The following TECPR2 variants were observed in gnomAD, a reference collection of about 807,000 sequenced individuals.
TECPR2 encodes the protein tectonin beta-propeller repeat containing 2.
TECPR2 carries 65 observed loss-of-function variants against 138.1 expected under a neutral mutation model. The observed-to-expected ratio is 0.47, with a 90% CI of 0.39 to 0.58. The LOEUF (loss-of-function observed/expected upper bound fraction) is 0.58, where lower values mean the gene tolerates loss of function less well. TECPR2 is among the 20% of genes least tolerant of loss of function. TECPR2 has a pLI of 0.00. For missense variants in TECPR2, 1,553 were observed against 1,824.5 expected, an observed-to-expected ratio of 0.85 and a Z score of 2.71; for synonymous variants, 746 against 749.8, an observed-to-expected ratio of 0.99 and a Z score of 0.08.
intron 5 of TECPR2, among the ~76,000 whole-genome samples, chr14:102,421,271 G>A (rs908935297): frequency 6.6e-6 from 1 of 152,178 alleles, no homozygotes; most frequent in South Asian, 2.1e-4. Flanking sequence ...GCTCTATTTA[G>A]AGGACATCTC....
At chr14:102,490,353 C>A (rs944869302) in intron 17 of TECPR2, among the ~76,000 whole-genome samples, 4 of 152,198 alleles carry the variant, frequency 2.6e-5, no homozygotes, top group Non-Finnish European at 4.4e-5. Context: ...GGTCTCGAAG[C>A]CCCTCACAGG....
At chr14:102,385,541 G>A (rs571904751) in intron 2 of TECPR2, among the ~76,000 whole-genome samples, 1 of 150,588 alleles carries the variant, frequency 6.6e-6, no homozygotes, top group Non-Finnish European at 1.5e-5. Context: ...CAGAGTTTGA[G>A]GGAGCAGCAT....
chr14:102,468,188 AGTTT>A (rs1030908967), intron 17 of TECPR2, among the ~76,000 whole-genome samples: 5 of 141,352 alleles, frequency 3.5e-5, no homozygotes, highest in African/African-American at 5.3e-5. Flanking sequence ...TCTTTTACTG[AGTTT>A]GTTTGTTTGT....
chr14:102,493,474 C>T (rs538729801), intron 17 of TECPR2, among the ~76,000 whole-genome samples: 18 of 152,316 alleles, frequency 1.2e-4, no homozygotes, highest in South Asian at 4.1e-4. Flanking sequence ...CCTAGAACAG[C>T]GCTTCCCCAA....
intron 2 of TECPR2, among the ~76,000 whole-genome samples, chr14:102,383,892 T>C (rs1236815073): frequency 6.6e-6 from 1 of 152,116 alleles, no homozygotes; most frequent in Non-Finnish European, 1.5e-5. Context: ...TCGTTTTCCT[T>C]TAACAGAATA....
chr14:102,438,330 C>A (rs543440834), intron 10 of TECPR2, 125 bp downstream of exon 10: 6 of 1,262,834 alleles, frequency 4.8e-6, no homozygotes, highest in African/African-American at 1.5e-5. Flanking sequence ...CGCTGCCGTG[C>A]GTTCACCAGG....
At chr14:102,398,274 G>A (rs1888373895) in intron 2 of TECPR2, among the ~76,000 whole-genome samples, 3 of 152,034 alleles carry the variant, frequency 2.0e-5, no homozygotes, top group Admixed American at 2.0e-4. Context: ...AAGAATCAGT[G>A]AATTTGAAGA....
At chr14:102,487,442 G>A (rs188298450) in intron 17 of TECPR2, among the ~76,000 whole-genome samples, 5 of 152,352 alleles carry the variant, frequency 3.3e-5, no homozygotes, top group South Asian at 2.1e-4. Context: ...GTGTGTGTGC[G>A]TGCGCACACG....
intron 14 of TECPR2, 114 bp downstream of exon 14, chr14:102,449,983 G>C: frequency 6.8e-7 from 1 of 1,477,638 alleles, no homozygotes; most frequent in Non-Finnish European, 9.1e-7. Flanking sequence ...AGTGCCAGTG[G>C]TATGAAGTGT....
chr14:102,452,729 G>C lies in TECPR2; in HGVS notation c.3640+102G>C, dbSNP rs138868772. On this transcript the variant is annotated intron_variant, in intron 16 of 19. Coordinates refer to ENST00000359520, the MANE Select transcript of TECPR2 (RefSeq NM_014844.5). ...ACTGCCCGGCCTGTGTCCAACCTGT[G>C]AGAGTTCTGAGGGGGTGTTTATAAG... 1,477 of 895,064 alleles carry C rather than the reference G, an allele frequency of 1.7e-3. 20 individuals are homozygous for C. In the African/African-American group the frequency reaches 0.022, roughly 13 times the overall value. The allele number at this position is 895,064 out of a possible 1,614,324, so 55.4% of individuals were successfully genotyped here. A position where few individuals can be genotyped will look rare whatever the true frequency, so the allele number is the denominator to read the frequency against.
At chr14:102,455,802 A>G (rs1028554403) in intron 16 of TECPR2, among the ~76,000 whole-genome samples, 2 of 152,222 alleles carry the variant, frequency 1.3e-5, no homozygotes, top group African/African-American at 4.8e-5. Context: ...TAGTAGAGAC[A>G]GGGTTTCACC....
At chr14:102,472,406 G>A (rs1024081612) in intron 17 of TECPR2, among the ~76,000 whole-genome samples, 18 of 152,218 alleles carry the variant, frequency 1.2e-4, no homozygotes, top group African/African-American at 4.3e-4. Context: ...CAACAGCTTT[G>A]CCAGGAAAAT....
intron 1 of TECPR2, among the ~76,000 whole-genome samples, chr14:102,376,036 A>G (rs1374100881): frequency 6.6e-6 from 1 of 152,196 alleles, no homozygotes; most frequent in Non-Finnish European, 1.5e-5. Flanking sequence ...GGAACAGAGT[A>G]AGGTGCTGTG....
chr14:102,451,556 T>C (rs1373946675), intron 15 of TECPR2, among the ~76,000 whole-genome samples: 1 of 152,122 alleles, frequency 6.6e-6, no homozygotes, highest in Non-Finnish European at 1.5e-5. Context: ...TTGGTTGATC[T>C]GTTGGCTGTG....
chr14:102,438,055 G>A lies in TECPR2; in HGVS notation c.2428G>A (p.Gly810Ser), dbSNP rs200642457. 8 of 1,614,106 alleles carry A rather than the reference G, an allele frequency of 5.0e-6. No homozygotes were observed. Among genetic ancestry groups the A allele is most frequent in the Middle Eastern group, 1.6e-4 (1 of 6,062 alleles). Residue 810 changes from glycine to serine, a missense_variant, in exon 10 of 20, where the codon GGC (glycine) becomes AGC (serine). Gly to Ser is a moderately conservative substitution (Grantham distance 56). Coordinates refer to ENST00000359520, the MANE Select transcript of TECPR2 (RefSeq NM_014844.5). ...AESWMGYSGP[G>S]YGILSLVVSE... ...AAGCTGGATGGGCTACTCGGGTCCC[G>A]GCTATGGCATCCTCAGCTTGGTGGT...
At chr14:102,465,871 G>T (rs1890541329) in intron 17 of TECPR2, among the ~76,000 whole-genome samples, 1 of 152,162 alleles carries the variant, frequency 6.6e-6, no homozygotes, top group Non-Finnish European at 1.5e-5. Context: ...TACCCTTAAA[G>T]ATCCCACAGG....
rs776842639 is a variant in TECPR2 at position 102,449,616 on chromosome 14, C to T, written c.3076-13C>T. On this transcript the variant is annotated splice_polypyrimidine_tract_variant and intron_variant, in intron 13 of 19. Transcript: ENST00000359520. ...CTCTGACAGCAGGGCTTTTGCTTGTCTCCTCCTTCCAGGTGAGCATCACGG... is the reference window on the plus strand; with the variant it reads ...CTCTGACAGCAGGGCTTTTGCTTGTTTCCTCCTTCCAGGTGAGCATCACGG... 8.1e-6 allele frequency: 13 copies of T among 1,612,812 alleles called. 1 individual carries two copies. The South Asian group carries it at 1.3e-4, about 16-fold the overall frequency.
chr14:102,392,360 T>C (rs1186819610), intron 2 of TECPR2, among the ~76,000 whole-genome samples: 2 of 152,214 alleles, frequency 1.3e-5, no homozygotes, highest in Non-Finnish European at 1.5e-5. Flanking sequence ...TTCTCTTTCA[T>C]GTTTTGAATC....
intron 16 of TECPR2, among the ~76,000 whole-genome samples, chr14:102,456,498 G>A (rs1050692425): frequency 1.1e-4 from 16 of 151,970 alleles, no homozygotes; most frequent in African/African-American, 3.1e-4. Context: ...CTCTGCACAC[G>A]CACCTATCCC....
Sources: allele counts gnomAD v4.1 joint callset (sites outside exome capture counted in the v4.1 genomes callset), GRCh38; gene constraint gnomAD v4.1.1; transcripts MANE v1.5; gene names NCBI Gene and HGNC (gene_info 2026-07-23, HGNC 2026-07-21).